RGS6: variants seen among roughly 807,000 people sequenced by gnomAD.
RGS6 encodes regulator of G protein signaling 6.
RGS6 carries 30 observed loss-of-function variants against 78.5 expected under a neutral mutation model. The observed-to-expected ratio is 0.38, with a 90% CI of 0.29 to 0.52. The LOEUF is 0.52. RGS6 is among the 20% of genes least tolerant of loss of function. The probability of loss-of-function intolerance (pLI) is 0.85; values close to 1 mark genes in which losing one functional copy is unlikely to be tolerated. For synonymous variants in RGS6, 206 were observed against 206.0 expected, an observed-to-expected ratio of 1.00 and a Z score of 0.00; for missense variants, 495 against 609.7, an observed-to-expected ratio of 0.81 and a Z score of 1.98.
chr14:72,290,476 T>C (rs1227700877), intron 2 of RGS6, among the ~76,000 whole-genome samples: 2 of 152,176 alleles, frequency 1.3e-5, no homozygotes, highest in Non-Finnish European at 2.9e-5. Context: ...TCTCCACAGC[T>C]TCCATTTAAG....
chr14:72,332,621 C>T (rs901829201), intron 2 of RGS6, among the ~76,000 whole-genome samples: 9 of 152,124 alleles, frequency 5.9e-5, no homozygotes, highest in Admixed American at 2.6e-4. Flanking sequence ...GTGCAGGGAA[C>T]GGAAAGGAGC....
intron 2 of RGS6, among the ~76,000 whole-genome samples, chr14:72,337,221 C>T (rs182062545): frequency 9.5e-4 from 145 of 151,836 alleles, no homozygotes; most frequent in Admixed American, 3.7e-3. Flanking sequence ...CTGGAACTGA[C>T]TCCCACCCCC....
intron 1 of RGS6, among the ~76,000 whole-genome samples, chr14:71,943,451 T>C (rs552418925): frequency 3.5e-4 from 54 of 152,314 alleles, no homozygotes; most frequent in Non-Finnish European, 7.4e-4. Context: ...TAATGGTTCC[T>C]CTTTATTTTC....
intron 2 of RGS6, among the ~76,000 whole-genome samples, chr14:72,329,319 T>C (rs548378236): frequency 6.6e-6 from 1 of 152,276 alleles, no homozygotes; most frequent in Non-Finnish European, 1.5e-5. Flanking sequence ...TAAAATCTTA[T>C]TGAGGGACAA....
At chr14:72,114,007 A>G (rs542246053) in intron 2 of RGS6, among the ~76,000 whole-genome samples, 45 of 152,324 alleles carry the variant, frequency 3.0e-4, no homozygotes, top group African/African-American at 8.9e-4. Context: ...TAAAATCAAG[A>G]GGAAATGGCT....
chr14:72,309,333 T>C (rs1358723974), intron 2 of RGS6, among the ~76,000 whole-genome samples: 2 of 152,198 alleles, frequency 1.3e-5, no homozygotes, highest in Non-Finnish European at 2.9e-5. Context: ...GGAAACATGA[T>C]TTGTAATCGT....
At chr14:72,357,499 C>T (rs1268861386) in intron 3 of RGS6, among the ~76,000 whole-genome samples, 2 of 152,090 alleles carry the variant, frequency 1.3e-5, no homozygotes, top group Non-Finnish European at 2.9e-5. Context: ...AAAGTCCAGG[C>T]TGAGGTAGTC....
intron 2 of RGS6, among the ~76,000 whole-genome samples, chr14:72,217,878 C>T (rs2045951079): frequency 6.6e-6 from 1 of 152,106 alleles, no homozygotes; most frequent in Admixed American, 6.6e-5. Context: ...AATGTATGTA[C>T]ATCTATATAT....
chr14:71,934,129 CTG>C (rs985679638), intron 1 of RGS6, among the ~76,000 whole-genome samples: 16 of 152,098 alleles, frequency 1.1e-4, no homozygotes, highest in Admixed American at 3.9e-4. Flanking sequence ...TGGGACTACT[CTG>C]TGAAGGAAAG....
In RGS6 at chr14:72,398,405, T is replaced by C. The variant is rs532570668; in HGVS notation, c.184+46211T>C. 4.6e-3 allele frequency among the ~76,000 whole-genome samples: 699 copies of C among 152,326 alleles called. 3 individuals carry two copies. The highest frequency in any genetic ancestry group is 0.016 in the African/African-American group (664 of 41,588). ...GTGGGATCAGTGGTGATATCCCCTT[T>C]ATCATTTTTTATTACATCTATTTGA... On this transcript the variant is annotated intron_variant, in intron 3 of 17. Coordinates refer to ENST00000553525, the MANE Select transcript of RGS6 (RefSeq NM_001204424.2).
intron 2 of RGS6, among the ~76,000 whole-genome samples, chr14:71,966,373 A>G (rs917645587): frequency 6.6e-5 from 10 of 152,350 alleles, no homozygotes; most frequent in Non-Finnish European, 1.0e-4. Context: ...TAGATAACCC[A>G]TCTCTAAGAA....
intron 3 of RGS6, among the ~76,000 whole-genome samples, chr14:72,385,312 G>C (rs755000526): frequency 6.6e-6 from 1 of 152,066 alleles, no homozygotes; most frequent in African/African-American, 2.4e-5. Context: ...TTAAAAGGGG[G>C]CGTCATTTTT....
chr14:72,548,350 T>C (rs12589349), intron 17 of RGS6, among the ~76,000 whole-genome samples: 6,527 of 117,084 alleles, frequency 0.056, 212 homozygotes, highest in African/African-American at 0.16. Flanking sequence ...TGTGCGCGCG[T>C]GTGTGTGTGT....
chr14:72,345,040 A>C (rs2681729), intron 2 of RGS6, among the ~76,000 whole-genome samples: 50,233 of 152,058 alleles, frequency 0.33, 8,618 homozygotes, highest in South Asian at 0.45. Context: ...CCTCCTGTGC[A>C]GCTCAGTGTA....
chr14:72,532,143 CCATTTTTCCAATAG>C (rs1250029747), intron 15 of RGS6, among the ~76,000 whole-genome samples: 1 of 152,218 alleles, frequency 6.6e-6, no homozygotes, highest in Non-Finnish European at 1.5e-5. Context: ...TCTATCAGCA[CCATTTTTCCAATAG>C]CATGTGCTTA....
intron 3 of RGS6, among the ~76,000 whole-genome samples, chr14:72,362,370 C>T (rs2081613629): frequency 2.0e-5 from 3 of 152,194 alleles, no homozygotes; most frequent in Non-Finnish European, 4.4e-5. Context: ...AACAAACCCA[C>T]AAACTATAAT....
chr14:72,215,985 G>A (rs2045468597), intron 2 of RGS6, among the ~76,000 whole-genome samples: 1 of 152,148 alleles, frequency 6.6e-6, no homozygotes, highest in African/African-American at 2.4e-5. Context: ...CACCTTCCTA[G>A]GTCGTCTGAA....
the RGS6 span, among the ~76,000 whole-genome samples, chr14:71,924,560 A>G: frequency 6.6e-6 from 1 of 151,912 alleles, no homozygotes; most frequent in Non-Finnish European, 1.5e-5. Flanking sequence ...CATGCCCCCC[A>G]CCTGCCCTTG....
intron 2 of RGS6, among the ~76,000 whole-genome samples, chr14:72,138,552 A>G (rs1008897893): frequency 1.9e-4 from 29 of 149,602 alleles, no homozygotes; most frequent in African/African-American, 6.9e-4. Flanking sequence ...GTGCCCTAGC[A>G]CAGGAGACCA....
Sources: gnomAD v4.1 joint callset for allele counts (sites outside exome capture counted in the v4.1 genomes callset) on GRCh38, gnomAD v4.1.1 for gene constraint, MANE v1.5 for transcripts, NCBI Gene and HGNC (gene_info 2026-07-23, HGNC 2026-07-21) for gene names.